Variants in ZNF536 observed in about 807,000 individuals in gnomAD.
ZNF536 encodes the protein zinc finger protein 536.
In ZNF536, 13 loss-of-function variants were observed where a neutral mutation model predicts 84.5. The observed-to-expected ratio is 0.15, with a 90% confidence interval of 0.10 to 0.24. The LOEUF (loss-of-function observed/expected upper bound fraction) is 0.24. ZNF536 is among the 10% of genes least tolerant of loss of function. ZNF536 has a pLI of 1.00. For synonymous variants in ZNF536, 811 were observed against 742.5 expected, an observed-to-expected ratio of 1.09 and a Z score of -1.50; for missense variants, 1,536 against 1,747.5, an observed-to-expected ratio of 0.88 and a Z score of 2.16.
chr19:30,464,101 C>T (rs778511978), intron 2 of ZNF536, among the ~76,000 whole-genome samples: 7 of 152,226 alleles, frequency 4.6e-5, no homozygotes, highest in East Asian at 1.9e-4. Context: ...CCTTCAACTG[C>T]GGTCACTGCC....
At chr19:30,421,810 G>A (rs1428957554) in intron 1 of ZNF536, among the ~76,000 whole-genome samples, 3 of 152,332 alleles carry the variant, frequency 2.0e-5, no homozygotes, top group South Asian at 2.1e-4. Context: ...ACCTCTGCCA[G>A]CCTCCCTCTG....
intron 2 of ZNF536, among the ~76,000 whole-genome samples, chr19:30,349,779 C>T (rs139977326): frequency 9.9e-5 from 15 of 151,910 alleles, no homozygotes; most frequent in African/African-American, 3.1e-4. Flanking sequence ...GCAGCATGGC[C>T]GGATATAATA....
chr19:30,420,016 A>G (rs2050886492), intron 1 of ZNF536, among the ~76,000 whole-genome samples: 1 of 152,156 alleles, frequency 6.6e-6, no homozygotes, highest in Admixed American at 6.5e-5. Flanking sequence ...CAGTGCTTGC[A>G]GGAGTCACAG....
intron 1 of ZNF536, among the ~76,000 whole-genome samples, chr19:30,423,996 C>T (rs1423239812): frequency 6.6e-6 from 1 of 152,114 alleles, no homozygotes; most frequent in African/African-American, 2.4e-5. Flanking sequence ...GTGCCCTCTG[C>T]ACCTACAGTC....
intron 1 of ZNF536, among the ~76,000 whole-genome samples, chr19:30,617,407 G>C (rs1238436649): frequency 7.4e-6 from 1 of 134,686 alleles, no homozygotes; most frequent in Non-Finnish European, 1.5e-5. Context: ...CTGGAGTGCA[G>C]TGGTGCAATC....
intron 1 of ZNF536, among the ~76,000 whole-genome samples, chr19:30,411,897 A>C (rs1347643668): frequency 6.6e-6 from 1 of 152,034 alleles, no homozygotes; most frequent in Non-Finnish European, 1.5e-5. Context: ...TGATATCACC[A>C]TTTCATCCAT....
intron 1 of ZNF536, among the ~76,000 whole-genome samples, chr19:30,266,013 C>T (rs1157726640): frequency 6.6e-6 from 1 of 152,072 alleles, no homozygotes; most frequent in Non-Finnish European, 1.5e-5. Flanking sequence ...GCTTCAGCCT[C>T]CCAAGGAGCT....
At chr19:30,625,287 C>T (rs1042521056) in intron 1 of ZNF536, among the ~76,000 whole-genome samples, 1 of 152,162 alleles carries the variant, frequency 6.6e-6, no homozygotes, top group Non-Finnish European at 1.5e-5. Context: ...ATCACTTGAC[C>T]AACAGAGGCC....
intron 1 of ZNF536, among the ~76,000 whole-genome samples, chr19:30,628,424 T>A (rs1279717791): frequency 8.1e-6 from 1 of 123,536 alleles, no homozygotes; most frequent in Non-Finnish European, 1.6e-5. Flanking sequence ...GCTCATCCAG[T>A]AGTCACTTTT....
intron 1 of ZNF536, among the ~76,000 whole-genome samples, chr19:30,655,196 G>C (rs952009123): frequency 6.6e-6 from 1 of 152,174 alleles, no homozygotes; most frequent in Admixed American, 6.5e-5. Context: ...CCATTTACAA[G>C]ACAGAGTAAA....
At chr19:30,321,371 T>C (rs1391214320) in intron 2 of ZNF536, among the ~76,000 whole-genome samples, 1 of 152,052 alleles carries the variant, frequency 6.6e-6, no homozygotes, top group African/African-American at 2.4e-5. Context: ...AGCCTGGCCA[T>C]CACGTTGAAA....
chr19:30,349,194 A>G (rs561473562), intron 2 of ZNF536, among the ~76,000 whole-genome samples: 8 of 152,242 alleles, frequency 5.3e-5, no homozygotes, highest in Non-Finnish European at 1.0e-4. Context: ...TAGGGCTCCA[A>G]ATGCATCTAT....
chr19:30,239,787 C>T (rs1042093241), intron 1 of ZNF536, among the ~76,000 whole-genome samples: 2 of 152,180 alleles, frequency 1.3e-5, no homozygotes, highest in African/African-American at 2.4e-5. Context: ...GTCCCTACCC[C>T]GCATCTCATT....
chr19:30,374,433 A>C (rs1296038077), intron 1 of ZNF536, among the ~76,000 whole-genome samples: 2 of 152,158 alleles, frequency 1.3e-5, no homozygotes, highest in African/African-American at 4.8e-5. Context: ...GCTCTGTACT[A>C]ATGTGTTTTT....
intron 1 of ZNF536, among the ~76,000 whole-genome samples, chr19:30,439,932 C>G (rs951742332): frequency 1.1e-4 from 16 of 140,452 alleles, no homozygotes; most frequent in South Asian, 4.9e-4. Context: ...CCTTTTGTTT[C>G]TTTCTTTCTT....
At chr19:30,240,082 T>C (rs2023827649) in intron 1 of ZNF536, among the ~76,000 whole-genome samples, 1 of 152,158 alleles carries the variant, frequency 6.6e-6, no homozygotes, top group Non-Finnish European at 1.5e-5. Context: ...GTAAGAATTC[T>C]GAGGGGCCGG....
intron 2 of ZNF536, among the ~76,000 whole-genome samples, chr19:30,473,881 A>C (rs2053741257): frequency 6.6e-6 from 1 of 152,234 alleles, no homozygotes. Context: ...TCCAGATCTC[A>C]GTTCCACCAG....
At chr19:30,326,791 C>CTTT (rs869076590) in intron 2 of ZNF536, among the ~76,000 whole-genome samples, 1,130 of 51,600 alleles carry the variant, frequency 0.022, 100 homozygotes, top group African/African-American at 0.084. Flanking sequence ...TTATAAAAAG[C>CTTT]TTTTTTTTTT....
intron 1 of ZNF536, among the ~76,000 whole-genome samples, chr19:30,601,721 G>A (rs530952936): frequency 2.9e-4 from 44 of 152,248 alleles, no homozygotes; most frequent in Non-Finnish European, 5.6e-4. Flanking sequence ...GGAACCAGCC[G>A]AGAAGCCTGC....
Sources: allele counts gnomAD v4.1 joint callset (sites outside exome capture counted in the v4.1 genomes callset), GRCh38; gene constraint gnomAD v4.1.1; transcripts MANE v1.5; gene names NCBI Gene and HGNC (gene_info 2026-07-23, HGNC 2026-07-21).